EVC: variants seen among roughly 807,000 people sequenced by gnomAD.
The protein encoded by EVC is EvC ciliary complex subunit 1.
EVC carries 116 observed loss-of-function variants against 118.9 expected under a neutral mutation model. The observed-to-expected ratio is 0.98, with a 90% CI of 0.84 to 1.14. EVC has a LOEUF of 1.14. Ranked by LOEUF, EVC falls within the 50% of genes most tolerant of loss-of-function variation. EVC has a pLI of 0.00. For synonymous variants in EVC, 619 were observed against 534.7 expected (o/e 1.16, Z -2.18); for missense variants, 1,401 against 1,246.4 (o/e 1.12, Z -1.87).
chr4:5,713,678 A>AAC (rs1723437609), intron 1 of EVC, among the ~76,000 whole-genome samples: 1 of 107,078 alleles, frequency 9.3e-6, no homozygotes, highest in Non-Finnish European at 2.2e-5. Flanking sequence ...CTCCGTCTCA[A>AAC]AAAAAAAAAA....
At chr4:5,729,525 A>G in intron 3 of EVC, 135 bp downstream of exon 3, 1 of 876,396 alleles carries the variant, frequency 1.1e-6, no homozygotes, top group Non-Finnish European at 1.9e-6. Context: ...TTTAGTAGGG[A>G]TAGTTTTGAG....
chr4:5,753,835 G>A lies in EVC; in HGVS notation c.1366G>A (p.Val456Met), dbSNP rs1730766543. Residue 456 changes from valine (V) to methionine (M), a missense_variant, in exon 10 of 21, where the codon GTG (valine) becomes ATG (methionine). Val to Met is a conservative substitution (Grantham distance 21). Coordinates refer to ENST00000264956, the MANE Select transcript of EVC (RefSeq NM_153717.3). ...DLVTASLAHQ[V>M]EGTAKLTLAQ... ...GGTCACGGCGTCTCTGGCTCACCAGGTGGAGGGAACGGCAAAACTCACGCT... is the reference window on the plus strand; with the variant it reads ...GGTCACGGCGTCTCTGGCTCACCAGATGGAGGGAACGGCAAAACTCACGCT... The A allele has an allele frequency of 2.5e-6, 4 of 1,614,044 alleles. No homozygotes were observed. The highest frequency in any genetic ancestry group is 1.3e-5 in the African/African-American group (1 of 74,940).
At chr4:5,807,969 T>C (rs1461824242) in intron 17 of EVC, among the ~76,000 whole-genome samples, 1 of 152,144 alleles carries the variant, frequency 6.6e-6, no homozygotes, top group Admixed American at 6.5e-5. Context: ...ATGCAAAGTG[T>C]GTGGGCAGGA....
chr4:5,752,208 C>G (rs1730485284), intron 8 of EVC, among the ~76,000 whole-genome samples: 1 of 152,134 alleles, frequency 6.6e-6, no homozygotes, highest in African/African-American at 2.4e-5. Flanking sequence ...CCCCCTTACT[C>G]TCATTCCACA....
chr4:5,768,702 C>G (rs778528580), intron 11 of EVC, among the ~76,000 whole-genome samples: 1 of 151,906 alleles, frequency 6.6e-6, no homozygotes. Context: ...ACTAAAAATA[C>G]AAAAATTAGC....
At chr4:5,760,756 T>TG (rs1205851200) in intron 11 of EVC, among the ~76,000 whole-genome samples, 1 of 152,142 alleles carries the variant, frequency 6.6e-6, no homozygotes, top group East Asian at 1.9e-4. Context: ...TTCACCACGT[T>TG]GGTCAGGCTG....
downstream of EVC, among the ~76,000 whole-genome samples, chr4:5,816,729 T>C (rs1471480549): frequency 2.2e-5 from 3 of 139,504 alleles, no homozygotes; most frequent in East Asian, 5.1e-4. Context: ...CCCTCCATCA[T>C]GGGGCTGTCA....
At position 5,731,707 on chromosome 4, in the gene EVC, G is replaced by GAA; in HGVS notation, c.617+50_617+51insAA. 1 of 1,530,742 alleles carries GAA rather than the reference G, an allele frequency of 6.5e-7. No homozygotes were observed. Among genetic ancestry groups the GAA allele is most frequent in the Non-Finnish European group, 9.0e-7 (1 of 1,117,286 alleles). 94.8% of individuals were successfully genotyped at this position (1,530,742 alleles called of 1,614,324 possible). On this transcript the variant is annotated intron_variant, in intron 4 of 20. Transcript: ENST00000264956. This position sits in a 1 kb window ranked among gnomAD's most constrained non-coding sequence, Gnocchi z 5.6. ...TGAGGCTTCCAGTCCTCTTGGAGTG[G>GAA]GCCGGGAGTCACATCATTGTCAGAG...
chr4:5,757,399 T>C (rs1381099685), intron 11 of EVC, among the ~76,000 whole-genome samples: 1 of 152,166 alleles, frequency 6.6e-6, no homozygotes, highest in Non-Finnish European at 1.5e-5. Context: ...GAAGTGCAAC[T>C]CCTCACCCGG....
At position 5,746,834 on chromosome 4, in the gene EVC, A is replaced by G. The variant is rs115608129; in HGVS notation, c.940-1314A>G. 0.015 allele frequency among the ~76,000 whole-genome samples: 2,242 copies of G among 152,248 alleles called. 59 individuals carry two copies. The highest frequency in any genetic ancestry group is 0.051 in the African/African-American group (2,126 of 41,528). On this transcript the variant is annotated intron_variant, in intron 7 of 20. Transcript: ENST00000264956. The surrounding 1 kb of genome is among the most constrained non-coding windows in gnomAD (Gnocchi z 5.8). ...CCTGCCCATATTTAAGGAGGAGCGGATGAGAAGAATTGGGACAAGAAAGCA... is the reference window on the plus strand; with the variant it reads ...CCTGCCCATATTTAAGGAGGAGCGGGTGAGAAGAATTGGGACAAGAAAGCA...
At chr4:5,804,709 G>T (rs770528644) in intron 16 of EVC, 21 bp from the exon 17 acceptor site, 1 of 1,609,442 alleles carries the variant, frequency 6.2e-7, no homozygotes, top group Non-Finnish European at 8.5e-7. Context: ...CCCCTTGATT[G>T]TCCTGTGTTA....
intron 7 of EVC, among the ~76,000 whole-genome samples, chr4:5,747,097 G>C (rs1729472282): frequency 6.6e-6 from 1 of 152,140 alleles, no homozygotes; most frequent in African/African-American, 2.4e-5. Flanking sequence ...GGAGCAGCAT[G>C]TATGGGGTTT....
At position 5,789,329 on chromosome 4, in the gene EVC, T is replaced by G. The variant is rs1487809839; in HGVS notation, c.1777-4279T>G. On this transcript the variant is annotated intron_variant, in intron 12 of 20. Coordinates refer to ENST00000264956, the MANE Select transcript of EVC (RefSeq NM_153717.3). The surrounding 1 kb of genome is among the most constrained non-coding windows in gnomAD (Gnocchi z 4.3). Reference sequence around the variant, plus strand: ...GCTGCCCCCAGCCCCAGTGGTTCCTTGCACTCCTCTGGCTTTCTGGGCACG... The same window carrying G: ...GCTGCCCCCAGCCCCAGTGGTTCCTGGCACTCCTCTGGCTTTCTGGGCACG... Among the ~76,000 whole-genome samples the G allele has an allele frequency of 1.3e-5, 2 of 152,150 alleles. No homozygotes were observed. Among genetic ancestry groups the G allele is most frequent in the Admixed American group, 1.3e-4 (2 of 15,270 alleles).
At chr4:5,825,897 A>G in the EVC span, 2 of 523,744 alleles carry the variant, frequency 3.8e-6, no homozygotes, top group African/African-American at 4.4e-5. This position sits in a 1 kb window ranked among gnomAD's most constrained non-coding sequence, Gnocchi z 4.4. Context: ...GCATACACAT[A>G]CAGACGCACA....
intron 8 of EVC, 158 bp from the exon 9 acceptor site, chr4:5,752,678 G>T (rs963059213): frequency 1.3e-6 from 1 of 772,842 alleles, no homozygotes; most frequent in African/African-American, 1.7e-5. Flanking sequence ...CGCAGATCTC[G>T]CTCATGAAGG....
intron 1 of EVC, among the ~76,000 whole-genome samples, chr4:5,712,834 T>A (rs1171745087): frequency 2.0e-5 from 3 of 152,174 alleles, no homozygotes; most frequent in Non-Finnish European, 4.4e-5. Context: ...GAAAGGGAAG[T>A]AACACACAGA....
At chr4:5,734,180 TA>T (rs1356620211) in intron 5 of EVC, among the ~76,000 whole-genome samples, 6 of 151,866 alleles carry the variant, frequency 4.0e-5, no homozygotes, top group South Asian at 4.2e-4. Context: ...TGACGGGGGT[TA>T]AAAAAAAGTG....
rs187874820 is a variant in EVC, at chr4:5,758,041, T to A, written c.1563+1679T>A. 3.1e-4 allele frequency: 219 copies of A among 702,122 alleles called. 1 individual carries two copies. The highest frequency in any genetic ancestry group is 1.7e-3 in the African/African-American group (97 of 57,334). 43.5% of individuals were successfully genotyped at this position (702,122 alleles called of 1,614,324 possible). A position where few individuals can be genotyped will look rare whatever the true frequency, so the allele number is the denominator to read the frequency against. On this transcript the variant is annotated intron_variant, in intron 11 of 20. Coordinates refer to ENST00000264956, the MANE Select transcript of EVC (RefSeq NM_153717.3). ...CACAGTTGGTTAGGTCCTACTGGATTCGGGTGGGCCCTAATTCTAATGGCT... is the reference window on the plus strand; with the variant it reads ...CACAGTTGGTTAGGTCCTACTGGATACGGGTGGGCCCTAATTCTAATGGCT...
downstream of EVC, among the ~76,000 whole-genome samples, chr4:5,817,437 T>C (rs1399862869): frequency 2.0e-5 from 3 of 152,212 alleles, no homozygotes; most frequent in Non-Finnish European, 4.4e-5. Context: ...CGCACAGCCA[T>C]GCCACAGCTT....
Sources: gnomAD v4.1 joint callset for allele counts (sites outside exome capture counted in the v4.1 genomes callset) on GRCh38, gnomAD v4.1.1 for gene constraint, Gnocchi (gnomAD v3.1) non-coding constraint, MANE v1.5 for transcripts, NCBI Gene and HGNC (gene_info 2026-07-23, HGNC 2026-07-21) for gene names.